The following GRM5 variants were observed in gnomAD, a reference collection of about 807,000 sequenced individuals.
GRM5 encodes the protein glutamate metabotropic receptor 5.
In GRM5, 19 loss-of-function variants were observed where a neutral mutation model predicts 83.1. The observed-to-expected ratio is 0.23, with a 90% confidence interval of 0.16 to 0.34. The LOEUF is 0.34. GRM5 is among the 10% of genes least tolerant of loss of function. GRM5 has a pLI of 1.00. For missense variants in GRM5, 1,160 were observed against 1,588.3 expected, an observed-to-expected ratio of 0.73 and a Z score of 4.58; for synonymous variants, 675 against 633.6, an observed-to-expected ratio of 1.07 and a Z score of -0.98.
intron 4 of GRM5, among the ~76,000 whole-genome samples, chr11:88,615,287 T>A (rs374208417): frequency 1.9e-4 from 29 of 152,202 alleles, no homozygotes; most frequent in African/African-American, 6.7e-4. Flanking sequence ...ATAATAATAA[T>A]TGGAAAACCA....
At chr11:88,928,337 C>A (rs1945824769) in intron 2 of GRM5, among the ~76,000 whole-genome samples, 1 of 152,036 alleles carries the variant, frequency 6.6e-6, no homozygotes, top group Non-Finnish European at 1.5e-5. Context: ...AGTTACTTCA[C>A]TGTGGTTCCA....
intron 8 of GRM5, among the ~76,000 whole-genome samples, chr11:88,564,119 T>G (rs1942819629): frequency 1.3e-5 from 2 of 152,160 alleles, no homozygotes; most frequent in Non-Finnish European, 2.9e-5. Context: ...TGCCAGTTGA[T>G]GTCAAAAAAG....
chr11:88,594,807 G>T (rs1297195348), intron 6 of GRM5, among the ~76,000 whole-genome samples: 1 of 152,156 alleles, frequency 6.6e-6, no homozygotes, highest in Non-Finnish European at 1.5e-5. Flanking sequence ...TGAAGGTAAG[G>T]TTGATTGAAA....
chr11:88,947,597 C>T (rs1424207415), intron 2 of GRM5, among the ~76,000 whole-genome samples: 1 of 151,774 alleles, frequency 6.6e-6, no homozygotes, highest in Non-Finnish European at 1.5e-5. Flanking sequence ...ATTCAAACAC[C>T]ATCTCTGGCT....
At chr11:89,046,996 T>C (rs530724858) in intron 2 of GRM5, among the ~76,000 whole-genome samples, 11 of 152,266 alleles carry the variant, frequency 7.2e-5, no homozygotes, top group Admixed American at 5.9e-4. Flanking sequence ...GAAAACAAAA[T>C]TATATTTCAC....
chr11:88,883,931 C>T (rs1945001597), intron 2 of GRM5, among the ~76,000 whole-genome samples: 1 of 152,086 alleles, frequency 6.6e-6, no homozygotes. Context: ...GCCTGAGTGT[C>T]CAGGCAGAAG....
chr11:88,784,141 C>A (rs188154339), intron 3 of GRM5, among the ~76,000 whole-genome samples: 107 of 152,096 alleles, frequency 7.0e-4, no homozygotes, highest in Middle Eastern at 3.4e-3. Flanking sequence ...CTTTTAGTAG[C>A]AGGTAGGTTA....
At chr11:88,534,149 A>G (rs570085028) in intron 8 of GRM5, among the ~76,000 whole-genome samples, 1 of 152,282 alleles carries the variant, frequency 6.6e-6, no homozygotes, top group East Asian at 1.9e-4. Context: ...GGCAGTGCAG[A>G]AGGGAAATGT....
chr11:88,798,805 C>CAAAAAAACAAAAAAAAAA (rs1943330679), intron 3 of GRM5, among the ~76,000 whole-genome samples: 1 of 55,400 alleles, frequency 1.8e-5, no homozygotes, highest in Non-Finnish European at 3.2e-5. Flanking sequence ...ATGAAAACAC[C>CAAAAAAACAAAAAAAAAA]AAAAAAAAAA....
At chr11:88,974,528 A>G (rs566878732) in intron 2 of GRM5, among the ~76,000 whole-genome samples, 2 of 152,318 alleles carry the variant, frequency 1.3e-5, no homozygotes, top group Admixed American at 6.5e-5. Flanking sequence ...GATGAATTAA[A>G]GAATCTTATA....
rs114325649 is a variant in GRM5 at position 88,530,053 on chromosome 11, C to T, written c.2631-4649G>A. On this transcript the variant is annotated intron_variant, in intron 8 of 9. Transcript: ENST00000305447. ...ATACACAGGGGAGCTCTCAGCATAC[C>T]GATGGTTGCAAATACAATGAGAATG... Among the ~76,000 whole-genome samples, 356 of 151,988 alleles carry T rather than the reference C, an allele frequency of 2.3e-3. 1 individual carries two copies. The highest frequency in any genetic ancestry group is 8.4e-3 in the African/African-American group (350 of 41,480).
At chr11:88,925,315 T>G (rs1945768599) in intron 2 of GRM5, among the ~76,000 whole-genome samples, 1 of 79,708 alleles carries the variant, frequency 1.3e-5, no homozygotes, top group Non-Finnish European at 2.6e-5. Context: ...ACTGACTACT[T>G]TTTGCTGCTT....
At chr11:88,605,865 C>T (rs76200415) in intron 4 of GRM5, among the ~76,000 whole-genome samples, 4 of 152,150 alleles carry the variant, frequency 2.6e-5, no homozygotes, top group East Asian at 3.8e-4. Flanking sequence ...GAACTTGCTC[C>T]GAGTGAGGGA....
chr11:88,845,423 C>CTTTTTTTTTTTTTTTT lies in GRM5; in HGVS notation c.911+4467_911+4482dup, dbSNP rs71046265. ...AGGCTACAGTACAGTATAAACATAA[C>CTTTTTTTTTTTTTTTT]TTTTTTTTTTTTTTTTTTTTTTTTT... On this transcript the variant is annotated intron_variant, in intron 3 of 9. Transcript: ENST00000305447. 2.4e-4 allele frequency among the ~76,000 whole-genome samples: 22 copies of CTTTTTTTTTTTTTTTT among 92,446 alleles called. 3 individuals are homozygous for CTTTTTTTTTTTTTTTT. Among genetic ancestry groups the CTTTTTTTTTTTTTTTT allele is most frequent in the African/African-American group, 5.0e-4 (11 of 22,198 alleles). The allele number at this position is 92,446 out of a possible 152,430, so 60.6% of individuals were successfully genotyped here.
At chr11:88,527,048 T>C (rs1231581594) in intron 8 of GRM5, among the ~76,000 whole-genome samples, 2 of 152,136 alleles carry the variant, frequency 1.3e-5, no homozygotes, top group African/African-American at 4.8e-5. Context: ...CCAAGCTAGA[T>C]TGAGTAGACT....
intron 2 of GRM5, among the ~76,000 whole-genome samples, chr11:88,977,954 T>C (rs1013017518): frequency 7.2e-5 from 11 of 152,200 alleles, no homozygotes; most frequent in African/African-American, 2.2e-4. Context: ...TTGCACAAAA[T>C]TGTTTTATTA....
chr11:88,553,000 C>T (rs371527836), intron 8 of GRM5, among the ~76,000 whole-genome samples: 10 of 152,324 alleles, frequency 6.6e-5, no homozygotes, highest in African/African-American at 2.2e-4. Flanking sequence ...AGCTCCAGTT[C>T]ATCACATTAG....
chr11:88,541,938 T>C (rs2135132644), intron 8 of GRM5, among the ~76,000 whole-genome samples: 1 of 152,120 alleles, frequency 6.6e-6, no homozygotes, highest in East Asian at 1.9e-4. Context: ...AGTGACTTCT[T>C]GTGAGATCTA....
chr11:88,725,946 G>T (rs1315462943), intron 3 of GRM5, among the ~76,000 whole-genome samples: 1 of 152,110 alleles, frequency 6.6e-6, no homozygotes, highest in Non-Finnish European at 1.5e-5. Context: ...AGTGCAAAAA[G>T]GTTGAACATT....
Sources: allele counts gnomAD v4.1 joint callset (sites outside exome capture counted in the v4.1 genomes callset), GRCh38; gene constraint gnomAD v4.1.1; transcripts MANE v1.5; gene names NCBI Gene and HGNC (gene_info 2026-07-23, HGNC 2026-07-21).